WWC1: variants seen among roughly 807,000 people sequenced by gnomAD.
WWC1 encodes protein KIBRA.
Under a neutral mutation model 138.4 loss-of-function variants are expected in WWC1, and 55 were observed. The ratio of observed to expected loss-of-function variants is 0.40; its 90% CI spans 0.32 to 0.50. WWC1 has a LOEUF of 0.50. WWC1 is among the 20% of genes least tolerant of loss of function. WWC1 has a pLI of 0.72. For missense variants in WWC1, 1,226 were observed against 1,420.4 expected, an observed-to-expected ratio of 0.86 and a Z score of 2.20; for synonymous variants, 524 against 564.9, an observed-to-expected ratio of 0.93 and a Z score of 1.03.
Position 168,307,141 on chromosome 5 carries a change from A to G in WWC1, c.119+14870A>G, listed in dbSNP as rs981869072. Among the ~76,000 whole-genome samples the G allele has an allele frequency of 1.1e-4, 16 of 152,348 alleles. No individual in the cohort carries two copies. The East Asian group carries it at 3.1e-3, about 29-fold the overall frequency. ...GAATGCATCGCCCAGTTTAATTCTC[A>G]TAGCAACCCTATGAGGTAAGAACCA... On this transcript the variant is annotated intron_variant, in intron 1 of 22. Coordinates refer to ENST00000265293, the MANE Select transcript of WWC1 (RefSeq NM_015238.3).
Position 168,406,336 on chromosome 5 carries a change from G to A in WWC1, c.720+9G>A, listed in dbSNP as rs367605925. The A allele has an allele frequency of 7.0e-5, 113 of 1,613,172 alleles. No individual in the cohort carries two copies. In the African/African-American group the frequency reaches 1.3e-3, roughly 19 times the overall value. ...AGCAAGATCTCATTAAGGTATGCAA[G>A]TTCCTGTTGATGTGGGTGCCATCTT... On this transcript the variant is annotated intron_variant, in intron 6 of 22. Transcript: ENST00000265293.
chr5:168,385,530 C>A, intron 3 of WWC1, 116 bp downstream of exon 3: 3 of 1,046,974 alleles, frequency 2.9e-6, no homozygotes, highest in Non-Finnish European at 2.7e-6. Flanking sequence ...ACTCTTTGTC[C>A]AAACCACCAT....
intron 15 of WWC1, among the ~76,000 whole-genome samples, chr5:168,434,099 G>C (rs766448502): frequency 6.6e-6 from 1 of 152,218 alleles, no homozygotes; most frequent in Non-Finnish European, 1.5e-5. Flanking sequence ...CTCCTCCAGC[G>C]AAGCATTCCC....
intron 1 of WWC1, among the ~76,000 whole-genome samples, chr5:168,367,570 C>T (rs895195211): frequency 1.3e-5 from 2 of 151,660 alleles, no homozygotes; most frequent in East Asian, 1.9e-4. Context: ...CCGCCCGCCT[C>T]GGCCTCCCAA....
At chr5:168,467,017 T>C (rs189541999) in intron 21 of WWC1, among the ~76,000 whole-genome samples, 6 of 152,262 alleles carry the variant, frequency 3.9e-5, no homozygotes, top group African/African-American at 1.4e-4. Context: ...ATCCCAGCAC[T>C]TTGGGAGGCC....
chr5:168,394,022 A>T (rs1778703736), intron 3 of WWC1, among the ~76,000 whole-genome samples: 1 of 152,230 alleles, frequency 6.6e-6, no homozygotes, highest in Non-Finnish European at 1.5e-5. Context: ...AATAATGCAA[A>T]CACTGAACAT....
At chr5:168,442,838 GAAA>G (rs201792324) in intron 16 of WWC1, among the ~76,000 whole-genome samples, 15 of 81,990 alleles carry the variant, frequency 1.8e-4, no homozygotes, top group Non-Finnish European at 3.5e-4. Context: ...CTCCATCTCA[GAAA>G]AAAAAAAAAA....
chr5:168,409,890 A>G, intron 7 of WWC1, 32 bp from the exon 8 acceptor site: 1 of 1,612,728 alleles, frequency 6.2e-7, no homozygotes, highest in African/African-American at 1.3e-5. Flanking sequence ...CACAACAGCC[A>G]CATAATTCCT....
At chr5:168,441,644 A>C (rs1582311210) in intron 15 of WWC1, 38 bp from the exon 16 acceptor site, 1 of 1,599,402 alleles carries the variant, frequency 6.3e-7, no homozygotes, top group South Asian at 1.1e-5. Context: ...TGTCCCCCCC[A>C]CCGCCACTTA....
intron 1 of WWC1, among the ~76,000 whole-genome samples, chr5:168,325,878 C>T (rs1772488460): frequency 6.6e-6 from 1 of 152,138 alleles, no homozygotes; most frequent in Non-Finnish European, 1.5e-5. Flanking sequence ...CTCTAGATAC[C>T]TCATATAAAT....
intron 1 of WWC1, among the ~76,000 whole-genome samples, chr5:168,313,627 C>T (rs1223588874): frequency 6.6e-6 from 1 of 151,390 alleles, no homozygotes; most frequent in African/African-American, 2.4e-5. Context: ...CCGGGCTGCA[C>T]CCCAGATCCC....
intron 4 of WWC1, among the ~76,000 whole-genome samples, chr5:168,399,126 TCAGAA>T (rs1227800163): frequency 1.3e-5 from 2 of 152,032 alleles, no homozygotes; most frequent in Non-Finnish European, 2.9e-5. Context: ...TCCTCATCCA[TCAGAA>T]CAGGAAAGGG....
At chr5:168,462,782 C>T (rs1380198124) in intron 20 of WWC1, among the ~76,000 whole-genome samples, 1 of 152,238 alleles carries the variant, frequency 6.6e-6, no homozygotes, top group Admixed American at 6.5e-5. Flanking sequence ...GGGCACTGCT[C>T]CTTGCTTCCA....
chr5:168,466,918 A>G (rs1033821540), intron 21 of WWC1, among the ~76,000 whole-genome samples: 24 of 128,644 alleles, frequency 1.9e-4, no homozygotes, highest in African/African-American at 8.1e-4. Context: ...TTCAAATAGT[A>G]AAAAAAAAAA....
At chr5:168,381,647 A>G (rs544679599) in intron 2 of WWC1, among the ~76,000 whole-genome samples, 1 of 152,132 alleles carries the variant, frequency 6.6e-6, no homozygotes, top group Non-Finnish European at 1.5e-5. Flanking sequence ...GCTCTCAGCT[A>G]TATCTGCACC....
At chr5:168,397,512 C>T (rs1193123259) in intron 3 of WWC1, among the ~76,000 whole-genome samples, 1 of 152,042 alleles carries the variant, frequency 6.6e-6, no homozygotes, top group Non-Finnish European at 1.5e-5. Flanking sequence ...AACATTTTCC[C>T]TTGTCATTCA....
chr5:168,435,023 C>T (rs1033557607), intron 15 of WWC1, among the ~76,000 whole-genome samples: 8 of 152,188 alleles, frequency 5.3e-5, no homozygotes, highest in African/African-American at 1.4e-4. Context: ...CACACAACCA[C>T]GCTGTATGGT....
At chr5:168,345,057 A>G (rs1774358550) in intron 1 of WWC1, among the ~76,000 whole-genome samples, 1 of 152,132 alleles carries the variant, frequency 6.6e-6, no homozygotes. Flanking sequence ...TGAAGGTTTT[A>G]TCTGTTTTCC....
intron 1 of WWC1, among the ~76,000 whole-genome samples, chr5:168,310,123 C>G (rs925803128): frequency 6.6e-6 from 1 of 152,154 alleles, no homozygotes; most frequent in South Asian, 2.1e-4. Flanking sequence ...CATATTTTGC[C>G]TCACTTTCCT....
Sources: gnomAD v4.1 joint callset for allele counts (sites outside exome capture counted in the v4.1 genomes callset) on GRCh38, gnomAD v4.1.1 for gene constraint, MANE v1.5 for transcripts, NCBI Gene and HGNC (gene_info 2026-07-23, HGNC 2026-07-21) for gene names.